RCOR1: variants seen among roughly 807,000 people sequenced by gnomAD.
RCOR1 encodes REST corepressor 1, also known as REST corepressor.
In RCOR1, 12 loss-of-function variants were observed where a neutral mutation model predicts 64.0. The observed-to-expected ratio is 0.19, with a 90% CI of 0.12 to 0.30. The LOEUF (loss-of-function observed/expected upper bound fraction) is 0.30, where lower values mean the gene tolerates loss of function less well. RCOR1 is among the 10% of genes least tolerant of loss of function. The pLI, the probability that RCOR1 is intolerant of heterozygous loss-of-function variation, is 1.00. For missense variants in RCOR1, 502 were observed against 621.2 expected, an observed-to-expected ratio of 0.81 and a Z score of 2.04; for synonymous variants, 279 against 227.2, an observed-to-expected ratio of 1.23 and a Z score of -2.05.
chr14:102,708,567 C>T lies in RCOR1; in HGVS notation c.763C>T (p.Arg255Trp), dbSNP rs746148708. The change falls in exon 6 of 12, where the codon CGG (arginine) becomes TGG (tryptophan). Residue 255 changes from arginine (R) to tryptophan (W), a missense_variant. By Grantham distance (101) the Arg-to-Trp change is moderately radical. Coordinates refer to ENST00000262241, the MANE Select transcript of RCOR1 (RefSeq NM_015156.4). ...VMDRHARKQK[R>W]EREESEDELE... ...GGATCGCCATGCCCGGAAACAAAAACGGGAGCGGGAGGAGAGGTGAGCACA... is the reference window on the plus strand; with the variant it reads ...GGATCGCCATGCCCGGAAACAAAAATGGGAGCGGGAGGAGAGGTGAGCACA... 3.1e-6 allele frequency: 5 copies of T among 1,603,852 alleles called. No individual in the cohort carries two copies. The highest frequency in any genetic ancestry group is 1.1e-5 in the South Asian group (1 of 90,772).
intron 8 of RCOR1, among the ~76,000 whole-genome samples, chr14:102,718,674 G>C (rs908551191): frequency 1.3e-5 from 2 of 152,040 alleles, no homozygotes; most frequent in Non-Finnish European, 2.9e-5. Flanking sequence ...GATTACCTTT[G>C]CATCCTATTT....
chr14:102,683,311 G>A (rs1305071378), intron 3 of RCOR1, among the ~76,000 whole-genome samples: 1 of 152,168 alleles, frequency 6.6e-6, no homozygotes, highest in African/African-American at 2.4e-5. Flanking sequence ...CAGAGGCATA[G>A]GAGGACCAAA....
At chr14:102,658,687 T>TA in intron 2 of RCOR1, 2 of 895,526 alleles carry the variant, frequency 2.2e-6, no homozygotes, top group Non-Finnish European at 2.7e-6. Flanking sequence ...CCAACACTGA[T>TA]ACATTACTAA....
intron 8 of RCOR1, among the ~76,000 whole-genome samples, chr14:102,720,217 G>A (rs903340164): frequency 2.6e-5 from 4 of 152,154 alleles, no homozygotes; most frequent in Non-Finnish European, 1.5e-5. Flanking sequence ...GAGTTCCCTG[G>A]TGCTTGACAC....
At chr14:102,694,107 A>G (rs1425546041) in intron 3 of RCOR1, among the ~76,000 whole-genome samples, 1 of 152,120 alleles carries the variant, frequency 6.6e-6, no homozygotes, top group Non-Finnish European at 1.5e-5. Context: ...TGAAAAATGC[A>G]CTTTTCATTT....
chr14:102,650,995 A>G (rs1031443438), intron 2 of RCOR1: 3 of 876,464 alleles, frequency 3.4e-6, no homozygotes, highest in African/African-American at 3.7e-5. Flanking sequence ...GAATACAGGT[A>G]TCTTAATGAG....
At chr14:102,612,044 C>A (rs576726294) in intron 2 of RCOR1, among the ~76,000 whole-genome samples, 1 of 151,648 alleles carries the variant, frequency 6.6e-6, no homozygotes. Context: ...AGGGTTCAAG[C>A]GATCATCCCT....
At chr14:102,631,278 C>T (rs556452906) in intron 2 of RCOR1, among the ~76,000 whole-genome samples, 7 of 151,500 alleles carry the variant, frequency 4.6e-5, no homozygotes, top group African/African-American at 7.3e-5. Flanking sequence ...TCTCGGCTCA[C>T]GGCAAGCCTC....
chr14:102,669,870 C>T (rs1894996791), intron 2 of RCOR1, among the ~76,000 whole-genome samples: 1 of 152,108 alleles, frequency 6.6e-6, no homozygotes, highest in African/African-American at 2.4e-5. Context: ...TGGTCCCTAA[C>T]ATAATTAAGT....
At chr14:102,628,181 T>C (rs920744820) in intron 2 of RCOR1, among the ~76,000 whole-genome samples, 4 of 152,198 alleles carry the variant, frequency 2.6e-5, no homozygotes, top group African/African-American at 9.7e-5. Flanking sequence ...TCTTCAGGCT[T>C]TCTGTGGGTT....
At chr14:102,631,488 C>T (rs540248477) in intron 2 of RCOR1, among the ~76,000 whole-genome samples, 10 of 152,160 alleles carry the variant, frequency 6.6e-5, no homozygotes, top group African/African-American at 2.4e-4. Context: ...CAGGTGTGAG[C>T]CATCACGCCC....
chr14:102,705,082 T>C (rs1196865214), intron 4 of RCOR1, among the ~76,000 whole-genome samples: 2 of 151,956 alleles, frequency 1.3e-5, no homozygotes, highest in African/African-American at 2.4e-5. Context: ...GCCAAGATCA[T>C]GTCATTGCAC....
At chr14:102,723,047 T>G (rs1268504083) in intron 11 of RCOR1, among the ~76,000 whole-genome samples, 3 of 152,244 alleles carry the variant, frequency 2.0e-5, no homozygotes, top group Non-Finnish European at 4.4e-5. Flanking sequence ...TTTCCCCATC[T>G]AGCCTGGCCT....
At chr14:102,684,446 C>T (rs1323195619) in intron 3 of RCOR1, among the ~76,000 whole-genome samples, 1 of 152,070 alleles carries the variant, frequency 6.6e-6, no homozygotes, top group African/African-American at 2.4e-5. Flanking sequence ...ATCTGTCTTT[C>T]CATTTATTAA....
intron 2 of RCOR1, among the ~76,000 whole-genome samples, chr14:102,626,902 C>T (rs908448099): frequency 1.3e-5 from 2 of 152,166 alleles, no homozygotes; most frequent in Non-Finnish European, 2.9e-5. Context: ...TTTGCCTATT[C>T]TTTGCTTGCT....
chr14:102,610,510 A>G (rs755575584), intron 2 of RCOR1, among the ~76,000 whole-genome samples: 2 of 152,248 alleles, frequency 1.3e-5, no homozygotes, highest in African/African-American at 2.4e-5. Context: ...TTGGGTGGCA[A>G]TGATCTAGAC....
At chr14:102,595,230 A>G (rs769587148) in intron 2 of RCOR1, among the ~76,000 whole-genome samples, 25 of 152,248 alleles carry the variant, frequency 1.6e-4, no homozygotes, top group Non-Finnish European at 2.9e-4. Flanking sequence ...ATCAGATTGC[A>G]GTAGCTCACA....
chr14:102,700,785 T>C (rs555966477), intron 3 of RCOR1, among the ~76,000 whole-genome samples: 5 of 152,380 alleles, frequency 3.3e-5, no homozygotes, highest in South Asian at 2.1e-4. Context: ...GTTTTGTTAC[T>C]GTGTGTTCTT....
At chr14:102,678,182 GGGAGACCGTGGAA>G (rs1399917580) in intron 2 of RCOR1, among the ~76,000 whole-genome samples, 43 of 152,124 alleles carry the variant, frequency 2.8e-4, no homozygotes, top group African/African-American at 9.6e-4. Flanking sequence ...CGGCATCAGA[GGGAGACCGTGGAA>G]GGAGACCGTG....
Sources: gnomAD v4.1 joint callset for allele counts (sites outside exome capture counted in the v4.1 genomes callset) on GRCh38, gnomAD v4.1.1 for gene constraint, MANE v1.5 for transcripts, NCBI Gene and HGNC (gene_info 2026-07-23, HGNC 2026-07-21) for gene names.